The following SEPTIN3 variants were observed in gnomAD, a reference collection of about 807,000 sequenced individuals.
SEPTIN3 encodes the protein neuronal-specific septin-3.
Under a neutral mutation model 45.1 loss-of-function variants are expected in SEPTIN3, and 15 were observed. That is an observed-to-expected ratio of 0.33 (90% confidence interval 0.22 to 0.51). The LOEUF is 0.51. Among genes scored for constraint, SEPTIN3 ranks in the 20% least tolerant of loss-of-function variants. SEPTIN3 has a pLI of 0.97. For missense variants in SEPTIN3, 289 were observed against 457.2 expected, an observed-to-expected ratio of 0.63 and a Z score of 3.35; for synonymous variants, 148 against 164.8, an observed-to-expected ratio of 0.90 and a Z score of 0.78.
chr22:41,997,031 C>T lies in SEPTIN3; in HGVS notation c.*64C>T, dbSNP rs2078453897. 1.2e-6 allele frequency: 2 copies of T among 1,611,940 alleles called. No homozygotes were observed. Among genetic ancestry groups the T allele is most frequent in the Admixed American group, 1.7e-5 (1 of 59,920 alleles). On this transcript the variant is annotated 3_prime_UTR_variant, in exon 12 of 12. Transcript: ENST00000644076. ...AGCTGTTATTGCTGCAGGGCCAAGC[C>T]CTTTTTAGTGCTGTGCTCGTCCAGC...
At chr22:41,982,938 C>T (rs894984332) in intron 3 of SEPTIN3, among the ~76,000 whole-genome samples, 1 of 151,986 alleles carries the variant, frequency 6.6e-6, no homozygotes, top group Non-Finnish European at 1.5e-5. Context: ...ACCTTTGCCC[C>T]GTCTCAGTGA....
intron 2 of SEPTIN3, among the ~76,000 whole-genome samples, chr22:41,978,915 G>T (rs1033811241): frequency 2.0e-5 from 3 of 151,072 alleles, no homozygotes; most frequent in African/African-American, 7.3e-5. Context: ...AGGAGGAGGA[G>T]GAGGAGGAGG....
intron 4 of SEPTIN3, 106 bp from the exon 5 acceptor site, chr22:41,987,100 A>C: frequency 1.3e-6 from 1 of 783,502 alleles, no homozygotes; most frequent in Non-Finnish European, 2.0e-6. Flanking sequence ...TTTTCCAATA[A>C]CTGATCCTGA....
At chr22:41,991,749 C>A in intron 8 of SEPTIN3, 81 bp downstream of exon 8, 1 of 994,086 alleles carries the variant, frequency 1.0e-6, no homozygotes, top group South Asian at 1.3e-5. Flanking sequence ...CTCTGTCTGT[C>A]TTTTCCCTTT....
rs373071082 is a variant in SEPTIN3, at chr22:41,991,533, C to T, written c.2164-40C>T. The T allele has an allele frequency of 4.1e-6, 6 of 1,457,596 alleles. No homozygotes were observed. In the African/African-American group the frequency reaches 7.0e-5, roughly 17 times the overall value. The allele number at this position is 1,457,596 out of a possible 1,614,324, so 90.3% of individuals were successfully genotyped here. Reference sequence around the variant, plus strand: ...TGCACACACCCCTCTTTTCCATTACCCTGACACTTGACTACCTTGTTTCTT... The same window carrying T: ...TGCACACACCCCTCTTTTCCATTACTCTGACACTTGACTACCTTGTTTCTT... On this transcript the variant is annotated intron_variant, in intron 7 of 11. Transcript: ENST00000644076.
rs886854169 is a variant in SEPTIN3, at chr22:41,981,800, A to G, written c.1660A>G (p.Met554Val). 3.1e-6 allele frequency: 5 copies of G among 1,613,894 alleles called. No homozygotes were observed. Among genetic ancestry groups the G allele is most frequent in the Non-Finnish European group, 2.5e-6 (3 of 1,179,962 alleles). Residue 554 changes from methionine to valine, a missense_variant, in exon 3 of 12, where the codon ATG becomes GTG. Physicochemically the swap from Met to Val is conservative, Grantham distance 21 (BLOSUM62 1). This residue lies in a region of SEPTIN3 where 200 missense variants were observed against 315.1 expected (regional missense o/e 0.63). Transcript: ENST00000644076. ...CATCGAGCAGATGCGCAAGAAGACC[A>G]TGAAGACCGGTTTCGACTTCAACAT... ...TIIEQMRKKT[M>V]KTGFDFNIMV...
chr22:41,992,695 G>C lies in SEPTIN3; in HGVS notation c.2291G>C (p.Ser764Thr). 3 of 1,611,176 alleles carry C rather than the reference G, an allele frequency of 1.9e-6. No individual in the cohort carries two copies. In the South Asian group the frequency reaches 3.3e-5, roughly 18 times the overall value. Reference protein sequence around the residue: ...QESMPFAVVGSDKEYQVNGKR... With the variant: ...QESMPFAVVGTDKEYQVNGKR... The stretch of plus-strand genomic sequence containing the variant: ...AGCATGCCTTTTGCTGTGGTGGGAA[G>C]TGACAAGGAGTACCAAGTGAATGGC... The change falls in exon 9 of 12, where the codon AGT (serine) becomes ACT (threonine). Residue 764 changes from serine (S) to threonine (T), a missense_variant. Transcript: ENST00000644076.
At chr22:41,983,566 C>T (rs2078155939) in intron 3 of SEPTIN3, among the ~76,000 whole-genome samples, 1 of 152,246 alleles carries the variant, frequency 6.6e-6, no homozygotes. Flanking sequence ...TCTCTGACCA[C>T]TTCCCATCTA....
At position 41,971,643 on chromosome 22, in the gene SEPTIN3, AGGAAGACCATCCATCTG is replaced by A; in HGVS notation, c.153_169del (p.Lys52TyrfsTer86). 2.5e-6 allele frequency: 1 copy of A among 397,852 alleles called. No homozygotes were observed. Among genetic ancestry groups the A allele is most frequent in the Non-Finnish European group, 4.4e-6 (1 of 225,868 alleles). 24.6% of individuals were successfully genotyped at this position (397,852 alleles called of 1,614,324 possible). On this transcript the variant is annotated frameshift_variant, in exon 2 of 12. Transcript: ENST00000644076. LOFTEE classifies it high-confidence loss of function. ...AGGGTCCCCCCTCACCCCCGTCCTC[AGGAAGACCATCCATCTG>A]GATACCTTCCCCCAAAGCCATATCC... is the stretch of plus-strand genomic sequence containing the variant.
At chr22:41,996,347 A>G (rs1167570102) in intron 11 of SEPTIN3, 2 of 985,458 alleles carry the variant, frequency 2.0e-6, no homozygotes, top group Non-Finnish European at 2.4e-6. Flanking sequence ...ACACTAAGTG[A>G]AACTGTTTAC....
intron 9 of SEPTIN3, among the ~76,000 whole-genome samples, chr22:41,993,907 T>C (rs1291563522): frequency 6.6e-6 from 1 of 152,238 alleles, no homozygotes; most frequent in African/African-American, 2.4e-5. Context: ...CTTTTTAAAA[T>C]GGCTCAATTA....
In SEPTIN3 at chr22:41,972,924, C is replaced by T. The variant is rs951555921; in HGVS notation, c.1432C>T (p.Leu478=). 57 of 399,070 alleles carry T rather than the reference C, an allele frequency of 1.4e-4. No homozygotes were observed. Among genetic ancestry groups the T allele is most frequent in the Admixed American group, 3.5e-4 (8 of 22,704 alleles). 24.7% of individuals were successfully genotyped at this position (399,070 alleles called of 1,614,324 possible). ...LMPSRSTDLA[L]DNTNAAMDRA... ...GCCAAGCAGATCCACAGACCTAGCC[C>T]TGGACAACACTAATGCTGCCATGGA... Residue 478 remains leucine, a synonymous_variant, in exon 2 of 12, where the codon CTG becomes TTG. Coordinates refer to ENST00000644076, the MANE Select transcript of SEPTIN3 (RefSeq NM_001363845.2).
rs2077936706 is a variant in SEPTIN3, at chr22:41,969,643, C to T, written c.-54C>T. 6.6e-6 allele frequency: 1 copy of T among 150,558 alleles called. No individual in the cohort carries two copies. The highest frequency in any genetic ancestry group is 1.5e-5 in the Non-Finnish European group (1 of 67,886). 9.3% of individuals were successfully genotyped at this position (150,558 alleles called of 1,614,324 possible). ...GGGGCCTGCGTGTGCCTTATCTTCC[C>T]AGACACACTGGATCCTTCTTGTCCT... On this transcript the variant is annotated 5_prime_UTR_variant, in exon 1 of 12. Transcript: ENST00000644076.
chr22:41,989,481 C>T, intron 6 of SEPTIN3, 86 bp from the exon 7 acceptor site: 2 of 866,698 alleles, frequency 2.3e-6, no homozygotes, highest in Non-Finnish European at 3.9e-6. Flanking sequence ...CAGTCCTCTT[C>T]TCCTGTGGGT....
chr22:41,984,596 C>T (rs879325365), intron 3 of SEPTIN3, among the ~76,000 whole-genome samples: 7 of 152,278 alleles, frequency 4.6e-5, no homozygotes, highest in Admixed American at 6.5e-5. Context: ...AGTACAGTTG[C>T]GTGATCCCGG....
At chr22:41,986,300 G>A (rs1351725038) in intron 4 of SEPTIN3, among the ~76,000 whole-genome samples, 188 bp downstream of exon 4, 7 of 152,158 alleles carry the variant, frequency 4.6e-5, no homozygotes, top group Non-Finnish European at 4.4e-5. Context: ...CAGGGAGCTC[G>A]AATGGAAGGA....
chr22:41,992,653 G>T lies in SEPTIN3; in HGVS notation c.2260-11G>T, dbSNP rs748070745. ...GCACATGTGTCTGGTTTGTGTTTCT[G>T]CCCCGTGCAGCAGGAGAGCATGCCT... On this transcript the variant is annotated splice_polypyrimidine_tract_variant and intron_variant, in intron 8 of 11. Coordinates refer to ENST00000644076, the MANE Select transcript of SEPTIN3 (RefSeq NM_001363845.2). 1 of 1,575,936 alleles carries T rather than the reference G, an allele frequency of 6.3e-7. No individual in the cohort carries two copies. Among genetic ancestry groups the T allele is most frequent in the Non-Finnish European group, 8.6e-7 (1 of 1,157,224 alleles).
At chr22:41,995,057 A>T (rs1041094650) in intron 11 of SEPTIN3, 1 of 1,146,944 alleles carries the variant, frequency 8.7e-7, no homozygotes, top group African/African-American at 1.6e-5. Flanking sequence ...TTGTGTCCCA[A>T]AACAAAGCTG....
At chr22:41,991,185 G>C (rs776514447) in intron 7 of SEPTIN3, among the ~76,000 whole-genome samples, 3 of 152,156 alleles carry the variant, frequency 2.0e-5, no homozygotes, top group Non-Finnish European at 2.9e-5. Context: ...AAACAGTCTC[G>C]GAGTAGGGGG....
Sources: gnomAD v4.1 joint callset for allele counts (sites outside exome capture counted in the v4.1 genomes callset) on GRCh38, gnomAD v4.1.1 for gene constraint, gnomAD v4.1.1 regional missense constraint, MANE v1.5 for transcripts, NCBI Gene and HGNC (gene_info 2026-07-23, HGNC 2026-07-21) for gene names.